Variants in FRMD4A observed in about 807,000 individuals in gnomAD.
The protein encoded by FRMD4A is FERM domain containing 4A.
A neutral mutation model predicts 129.1 loss-of-function variants in FRMD4A; 29 were observed. That is an observed-to-expected ratio of 0.22 (90% CI 0.17 to 0.31). FRMD4A has a LOEUF of 0.31. Among genes scored for constraint, FRMD4A ranks in the 10% least tolerant of loss-of-function variants. The pLI is 1.00. For missense variants in FRMD4A, 1,272 were observed against 1,375.8 expected (o/e 0.92, Z 1.19); for synonymous variants, 634 against 571.6 (o/e 1.11, Z -1.56).
intron 2 of FRMD4A, among the ~76,000 whole-genome samples, chr10:14,088,888 G>T (rs962530876): frequency 1.3e-5 from 2 of 152,074 alleles, no homozygotes; most frequent in African/African-American, 4.8e-5. Flanking sequence ...AGGCAGTCAC[G>T]GTCGGGGCTC....
At chr10:14,128,559 A>C (rs1373722814) in intron 2 of FRMD4A, among the ~76,000 whole-genome samples, 1 of 152,164 alleles carries the variant, frequency 6.6e-6, no homozygotes, top group Non-Finnish European at 1.5e-5. Context: ...TTTTCCTGTG[A>C]CGATACAATA....
At chr10:13,975,558 G>T (rs565867776) in intron 2 of FRMD4A, among the ~76,000 whole-genome samples, 1 of 151,676 alleles carries the variant, frequency 6.6e-6, no homozygotes, top group African/African-American at 2.4e-5. Flanking sequence ...GTGTATCTAT[G>T]TGTGTGTCTG....
In FRMD4A at chr10:14,077,868, C is replaced by G. The variant is rs932062304; in HGVS notation, c.46-218956G>C. Reference sequence around the variant, plus strand: ...AGGCTTAACATCCATCTAGAATATTCCAATTGCTTGTTACTAGGAGATATG... The same window carrying G: ...AGGCTTAACATCCATCTAGAATATTGCAATTGCTTGTTACTAGGAGATATG... On this transcript the variant is annotated intron_variant, in intron 2 of 24. Coordinates refer to ENST00000357447, the MANE Select transcript of FRMD4A (RefSeq NM_018027.5). Among the ~76,000 whole-genome samples the G allele has an allele frequency of 3.9e-5, 6 of 152,138 alleles. No individual in the cohort carries two copies. The East Asian group carries it at 1.2e-3, about 29-fold the overall frequency.
At chr10:13,876,330 TTAC>T (rs2094488874) in intron 2 of FRMD4A, among the ~76,000 whole-genome samples, 4 of 152,262 alleles carry the variant, frequency 2.6e-5, no homozygotes, top group African/African-American at 9.6e-5. Flanking sequence ...AAACAAATTT[TTAC>T]AACGTTCACT....
At position 14,257,851 on chromosome 10, in the gene FRMD4A, G is replaced by C. The variant is rs552790316; in HGVS notation, c.45+72207C>G. Among the ~76,000 whole-genome samples the C allele has an allele frequency of 2.6e-4, 39 of 152,324 alleles. No homozygotes were observed. The South Asian group carries it at 7.7e-3, about 30-fold the overall frequency. On this transcript the variant is annotated intron_variant, in intron 2 of 24. Transcript: ENST00000357447. ...TTGCCAACTTGATTTCAGACTTCCA[G>C]CTTCCAGAACTGTAAGAAAACAACT...
intron 2 of FRMD4A, among the ~76,000 whole-genome samples, chr10:14,099,361 C>T (rs1837176582): frequency 6.6e-6 from 1 of 152,156 alleles, no homozygotes; most frequent in Admixed American, 6.5e-5. Context: ...AATCAGAAAA[C>T]TTCCAAGATA....
chr10:14,028,288 T>C (rs1833075875), intron 2 of FRMD4A, among the ~76,000 whole-genome samples: 3 of 152,208 alleles, frequency 2.0e-5, no homozygotes, highest in Admixed American at 1.3e-4. Flanking sequence ...ATGATTAAGA[T>C]ATTGTTTCTT....
intron 15 of FRMD4A, among the ~76,000 whole-genome samples, chr10:13,680,997 C>T (rs980906820): frequency 1.3e-5 from 2 of 152,230 alleles, no homozygotes; most frequent in African/African-American, 4.8e-5. Context: ...CCTTGAGTTA[C>T]TAATCTCATG....
intron 2 of FRMD4A, among the ~76,000 whole-genome samples, chr10:13,961,338 A>G (rs1251506784): frequency 6.6e-6 from 1 of 152,232 alleles, no homozygotes; most frequent in African/African-American, 2.4e-5. Context: ...CTTGAGAATG[A>G]AGAAAATTTC....
intron 2 of FRMD4A, among the ~76,000 whole-genome samples, chr10:14,179,673 C>A (rs895811874): frequency 1.3e-5 from 2 of 152,160 alleles, no homozygotes; most frequent in South Asian, 2.1e-4. Flanking sequence ...CAAGTTCTTG[C>A]GATACAAAAA....
At chr10:14,078,477 G>A (rs957297056) in intron 2 of FRMD4A, among the ~76,000 whole-genome samples, 4 of 152,180 alleles carry the variant, frequency 2.6e-5, no homozygotes, top group African/African-American at 4.8e-5. Context: ...GCTTCTTCCC[G>A]CCCTCCAGAA....
intron 2 of FRMD4A, among the ~76,000 whole-genome samples, chr10:14,078,714 A>G (rs908183994): frequency 6.6e-6 from 1 of 152,198 alleles, no homozygotes; most frequent in Non-Finnish European, 1.5e-5. Context: ...TGAAGAAGTT[A>G]TGTGAATCTC....
intron 19 of FRMD4A, among the ~76,000 whole-genome samples, chr10:13,662,580 G>C (rs1164411684): frequency 6.6e-6 from 1 of 152,132 alleles, no homozygotes; most frequent in African/African-American, 2.4e-5. Context: ...CCCGACGTAT[G>C]GTGGTGATGG....
At position 13,901,907 on chromosome 10, in the gene FRMD4A, T is replaced by C. The variant is rs145383500; in HGVS notation, c.46-42995A>G. ...GCCACCCCATAGAAGTCAGACCTAC[T>C]CCAAATTATAATAGCAAATAATCTG... is the stretch of plus-strand genomic sequence containing the variant. On this transcript the variant is annotated intron_variant, in intron 2 of 24. Coordinates refer to ENST00000357447, the MANE Select transcript of FRMD4A (RefSeq NM_018027.5). Among the ~76,000 whole-genome samples, 550 of 152,332 alleles carry C rather than the reference T, an allele frequency of 3.6e-3. 5 individuals carry two copies. The highest frequency in any genetic ancestry group is 0.013 in the African/African-American group (525 of 41,568).
chr10:13,819,443 T>C (rs2093596225), intron 3 of FRMD4A, among the ~76,000 whole-genome samples: 1 of 152,100 alleles, frequency 6.6e-6, no homozygotes, highest in African/African-American at 2.4e-5. Context: ...CTACAAATGC[T>C]CTCTCCCTCC....
intron 2 of FRMD4A, among the ~76,000 whole-genome samples, chr10:13,874,222 G>A (rs545027209): frequency 1.4e-5 from 2 of 142,456 alleles, no homozygotes; most frequent in East Asian, 4.2e-4. Flanking sequence ...CTCCAGCCTG[G>A]GTGACAGAGT....
chr10:13,765,254 A>G (rs2092246516), intron 6 of FRMD4A, among the ~76,000 whole-genome samples: 1 of 151,288 alleles, frequency 6.6e-6, no homozygotes, highest in African/African-American at 2.4e-5. Flanking sequence ...AGCTGAGATT[A>G]CAGGCGCCCA....
rs543102364 is a variant in FRMD4A, at chr10:14,185,579, C to T, written c.45+144479G>A. Among the ~76,000 whole-genome samples, 121 of 152,026 alleles carry T rather than the reference C, an allele frequency of 8.0e-4. 1 individual carries two copies. Among genetic ancestry groups the T allele is most frequent in the Middle Eastern group, 3.4e-3 (1 of 294 alleles). On this transcript the variant is annotated intron_variant, in intron 2 of 24. Coordinates refer to ENST00000357447, the MANE Select transcript of FRMD4A (RefSeq NM_018027.5). The stretch of plus-strand genomic sequence containing the variant: ...AGACTATTTAAAGGTTCAATCTCGT[C>T]TTGTAAGAAAGAGAAACAGGTAGAG...
At chr10:14,038,344 AAAAAT>A (rs1833606688) in intron 2 of FRMD4A, among the ~76,000 whole-genome samples, 1 of 152,218 alleles carries the variant, frequency 6.6e-6, no homozygotes, top group Non-Finnish European at 1.5e-5. Flanking sequence ...ATAAATAAAT[AAAAAT>A]AAAATAAAGG....
Sources: allele counts gnomAD v4.1 joint callset (sites outside exome capture counted in the v4.1 genomes callset), GRCh38; gene constraint gnomAD v4.1.1; transcripts MANE v1.5; gene names NCBI Gene and HGNC (gene_info 2026-07-23, HGNC 2026-07-21).